DAPK1: variants seen among roughly 807,000 people sequenced by gnomAD.
The protein encoded by DAPK1 is death-associated protein kinase 1.
Under a neutral mutation model 144.9 loss-of-function variants are expected in DAPK1, and 56 were observed. That is an observed-to-expected ratio of 0.39 (90% confidence interval 0.31 to 0.48). The LOEUF (loss-of-function observed/expected upper bound fraction) is 0.48, where lower values mean the gene tolerates loss of function less well. DAPK1 is among the 20% of genes least tolerant of loss of function. DAPK1 has a pLI of 0.95. For missense variants in DAPK1, 1,454 were observed against 1,875.4 expected (o/e 0.78, Z 4.15); for synonymous variants, 690 against 749.0 (o/e 0.92, Z 1.29).
At chr9:87,547,156 C>A (rs1826279352) in intron 2 of DAPK1, among the ~76,000 whole-genome samples, 1 of 151,342 alleles carries the variant, frequency 6.6e-6, no homozygotes, top group Non-Finnish European at 1.5e-5. Flanking sequence ...GACCCTGTCC[C>A]AAAAAACAAA....
intron 2 of DAPK1, among the ~76,000 whole-genome samples, chr9:87,580,591 T>C (rs1199454968): frequency 6.6e-6 from 1 of 152,230 alleles, no homozygotes; most frequent in Non-Finnish European, 1.5e-5. Flanking sequence ...TCTTGCTTCA[T>C]AGTTGAGTTC....
chr9:87,556,884 C>T (rs955882331), intron 2 of DAPK1, among the ~76,000 whole-genome samples: 1 of 152,164 alleles, frequency 6.6e-6, no homozygotes, highest in African/African-American at 2.4e-5. Flanking sequence ...GCCAGGCCTC[C>T]TGGGCTGCCT....
At chr9:87,666,874 C>T (rs1252020359) in intron 18 of DAPK1, among the ~76,000 whole-genome samples, 2 of 152,140 alleles carry the variant, frequency 1.3e-5, no homozygotes, top group African/African-American at 2.4e-5. Flanking sequence ...GTTTTGTGCG[C>T]GTCTGAGCTC....
chr9:87,706,776 T>G lies in DAPK1; in HGVS notation c.3705T>G (p.His1235Gln). The change falls in exon 26 of 26, where the codon CAT (histidine) becomes CAG (glutamine). Residue 1235 changes from histidine (H) to glutamine (Q), a missense_variant. Physicochemically the swap from His to Gln is conservative, Grantham distance 24 (BLOSUM62 0). Coordinates refer to ENST00000408954, the MANE Select transcript of DAPK1 (RefSeq NM_004938.4). This position sits in a 1 kb window ranked among gnomAD's most constrained non-coding sequence, Gnocchi z 9.0. Reference protein sequence around the residue: ...TTLPGLLTVKHYLSPQQLREH... With the variant: ...TTLPGLLTVKQYLSPQQLREH... ...TGCCAGGGCTCCTGACCGTGAAGCA[T>G]TACCTGAGCCCCCAGCAGCTGCGGG... is the stretch of plus-strand genomic sequence containing the variant. 6.2e-7 allele frequency: 1 copy of G among 1,613,484 alleles called. No homozygotes were observed. The highest frequency in any genetic ancestry group is 1.1e-5 in the South Asian group (1 of 91,070).
At position 87,605,238 on chromosome 9, in the gene DAPK1, C is replaced by A. The variant is rs36207430; in HGVS notation, c.284+63C>A. On this transcript the variant is annotated intron_variant, in intron 3 of 25. Transcript: ENST00000408954. ...GTGGGCGTCAGCTGGCATCTTCGTT[C>A]CAGCTGGACCACGCCACAGCGAGCC... 7.6e-3 allele frequency: 10,255 copies of A among 1,352,536 alleles called. 84 individuals are homozygous for A. Among genetic ancestry groups the A allele is most frequent in the Admixed American group, 0.032 (1,879 of 58,508 alleles). The allele number at this position is 1,352,536 out of a possible 1,614,324, so 83.8% of individuals were successfully genotyped here. A position where few individuals can be genotyped will look rare whatever the true frequency, so the allele number is the denominator to read the frequency against.
At chr9:87,584,999 T>C (rs1564008180) in intron 2 of DAPK1, among the ~76,000 whole-genome samples, 1 of 152,194 alleles carries the variant, frequency 6.6e-6, no homozygotes, top group South Asian at 2.1e-4. Flanking sequence ...TTGAGAGTTG[T>C]CTGTTAAGTC....
At chr9:87,573,811 G>C (rs1181269203) in intron 2 of DAPK1, among the ~76,000 whole-genome samples, 1 of 152,182 alleles carries the variant, frequency 6.6e-6, no homozygotes. Context: ...TCTAATGAGA[G>C]CTCATCTTTG....
chr9:87,629,819 G>A (rs1187177546), intron 3 of DAPK1, among the ~76,000 whole-genome samples: 1 of 152,232 alleles, frequency 6.6e-6, no homozygotes, highest in African/African-American at 2.4e-5. Flanking sequence ...CCTGAAATCA[G>A]GAGCTGGATT....
chr9:87,698,786 T>C lies in DAPK1; in HGVS notation c.2742T>C (p.Ile914=). The change falls in exon 23 of 26, where the codon ATT becomes ATC. Residue 914 remains isoleucine, a synonymous_variant. Coordinates refer to ENST00000408954, the MANE Select transcript of DAPK1 (RefSeq NM_004938.4). ...YDKDTSLLKE[I]RNRFGNDLHI... ...AAGACACATCGTTGCTGAAAGAGAT[T>C]AGGAACAGGTGAGGGGCAGCCACTT... 1 of 1,605,112 alleles carries C rather than the reference T, an allele frequency of 6.2e-7. No homozygotes were observed. The highest frequency in any genetic ancestry group is 8.5e-7 in the Non-Finnish European group (1 of 1,171,950).
chr9:87,583,874 G>A (rs938633423), intron 2 of DAPK1, among the ~76,000 whole-genome samples: 1 of 152,178 alleles, frequency 6.6e-6, no homozygotes, highest in African/African-American at 2.4e-5. Context: ...CATGGGGTTG[G>A]AGGTGGAGGT....
chr9:87,592,180 C>G (rs1828160319), intron 2 of DAPK1, among the ~76,000 whole-genome samples: 1 of 152,206 alleles, frequency 6.6e-6, no homozygotes, highest in Non-Finnish European at 1.5e-5. Flanking sequence ...TCCAAGGCCA[C>G]CCATGCTGGG....
intron 15 of DAPK1, among the ~76,000 whole-genome samples, chr9:87,649,225 G>C (rs1428654056): frequency 6.6e-6 from 1 of 152,222 alleles, no homozygotes; most frequent in African/African-American, 2.4e-5. Flanking sequence ...AAGTGGTAGA[G>C]CTGGGGCTTG....
intron 2 of DAPK1, among the ~76,000 whole-genome samples, chr9:87,515,369 G>A (rs1825012634): frequency 6.6e-6 from 1 of 152,200 alleles, no homozygotes; most frequent in African/African-American, 2.4e-5. Flanking sequence ...CTGTTTTATT[G>A]ATGAATAAAC....
chr9:87,548,645 T>TGTATCTTTTCTTTG (rs1826352252), intron 2 of DAPK1, among the ~76,000 whole-genome samples: 1 of 152,144 alleles, frequency 6.6e-6, no homozygotes, highest in Non-Finnish European at 1.5e-5. Flanking sequence ...GTTATTATTT[T>TGTATCTTTTCTTTG]GTATCTTTTC....
chr9:87,612,058 G>A (rs757860635), intron 3 of DAPK1, among the ~76,000 whole-genome samples: 6 of 152,176 alleles, frequency 3.9e-5, no homozygotes, highest in Admixed American at 1.3e-4. Flanking sequence ...AAAAGGCATC[G>A]CGTGGCAAGA....
chr9:87,641,236 CACGTGG>C (rs1830082564), intron 9 of DAPK1, among the ~76,000 whole-genome samples: 2 of 152,158 alleles, frequency 1.3e-5, no homozygotes, highest in South Asian at 2.1e-4. Flanking sequence ...GCCCTCATTC[CACGTGG>C]CCTTGGGAAG....
chr9:87,644,291 T>G (rs1312627228), intron 11 of DAPK1, among the ~76,000 whole-genome samples: 2 of 152,182 alleles, frequency 1.3e-5, no homozygotes, highest in African/African-American at 4.8e-5. Context: ...TCAACAAGAC[T>G]TTCCCCTGAC....
At chr9:87,637,041 A>G (rs1056894226) in intron 3 of DAPK1, among the ~76,000 whole-genome samples, 2 of 152,166 alleles carry the variant, frequency 1.3e-5, no homozygotes, top group South Asian at 4.1e-4. Context: ...ACAGAGAAAT[A>G]AACTAAAAAA....
At position 87,609,053 on chromosome 9, in the gene DAPK1, G is replaced by A. The variant is rs985342725; in HGVS notation, c.284+3878G>A. Among the ~76,000 whole-genome samples, 11 of 152,200 alleles carry A rather than the reference G, an allele frequency of 7.2e-5. No individual in the cohort carries two copies. The East Asian group carries it at 9.6e-4, about 13-fold the overall frequency. ...CACATTCGGGAATGTGGGTGGCTCC[G>A]TCAATCTGCGGGAGGCCCGAATAGA... is the stretch of plus-strand genomic sequence containing the variant. On this transcript the variant is annotated intron_variant, in intron 3 of 25. Transcript: ENST00000408954.
Sources: gnomAD v4.1 joint callset for allele counts (sites outside exome capture counted in the v4.1 genomes callset) on GRCh38, gnomAD v4.1.1 for gene constraint, Gnocchi (gnomAD v3.1) non-coding constraint, MANE v1.5 for transcripts, NCBI Gene and HGNC (gene_info 2026-07-23, HGNC 2026-07-21) for gene names.